TSPAN2: variants seen among roughly 807,000 people sequenced by gnomAD.
The protein encoded by TSPAN2 is tetraspanin-2.
A neutral mutation model predicts 33.3 loss-of-function variants in TSPAN2; 24 were observed. The ratio of observed to expected loss-of-function variants is 0.72; its 90% CI spans 0.52 to 1.01. The LOEUF (loss-of-function observed/expected upper bound fraction) is 1.01, where lower values mean the gene tolerates loss of function less well. TSPAN2 is among the 50% of genes least tolerant of loss of function. The probability of loss-of-function intolerance (pLI) is 0.00; values close to 1 mark genes in which losing one functional copy is unlikely to be tolerated. For synonymous variants in TSPAN2, 114 were observed against 104.5 expected (o/e 1.09, Z -0.56); for missense variants, 278 against 281.3 (o/e 0.99, Z 0.08).
chr1:115,055,981 A>C (rs770465790), intron 6 of TSPAN2, among the ~76,000 whole-genome samples: 2 of 152,232 alleles, frequency 1.3e-5, no homozygotes, highest in African/African-American at 2.4e-5. Context: ...CCTTTTCCTT[A>C]GAATAAACTC....
intron 7 of TSPAN2, among the ~76,000 whole-genome samples, chr1:115,052,922 G>A (rs1185498464): frequency 6.6e-6 from 1 of 152,092 alleles, no homozygotes; most frequent in East Asian, 1.9e-4. Context: ...ATTTTCCTGC[G>A]ATCTCAGAGC....
chr1:115,088,411 A>C (rs1321011218), intron 1 of TSPAN2, among the ~76,000 whole-genome samples: 1 of 152,154 alleles, frequency 6.6e-6, no homozygotes, highest in East Asian at 1.9e-4. Flanking sequence ...CTGAGCAGTT[A>C]CACTGGCTGA....
intron 1 of TSPAN2, among the ~76,000 whole-genome samples, 159 bp downstream of exon 1, chr1:115,089,205 C>T (rs1053887004): frequency 2.0e-5 from 3 of 152,186 alleles, no homozygotes; most frequent in African/African-American, 7.2e-5. Context: ...CCATCCCTCC[C>T]CTCCCTCTTT....
rs2101018331 is a variant in TSPAN2 at position 115,050,248 on chromosome 1, TA to T, written c.*241del. On this transcript the variant is annotated 3_prime_UTR_variant, in exon 8 of 8. Transcript: ENST00000369516. ...TTCCCAGCAAACAGATTTCATTACG[TA>T]TAAAGCATATTCCAGAAACACGCAG... The T allele has an allele frequency of 1.9e-6, 1 of 520,868 alleles. No individual in the cohort carries two copies. The highest frequency in any genetic ancestry group is 3.4e-6 in the Non-Finnish European group (1 of 295,826). The allele number at this position is 520,868 out of a possible 1,614,324, so 32.3% of individuals were successfully genotyped here. A position where few individuals can be genotyped will look rare whatever the true frequency, so the allele number is the denominator to read the frequency against.
At chr1:115,082,246 T>C in intron 1 of TSPAN2, among the ~76,000 whole-genome samples, 1 of 152,232 alleles carries the variant, frequency 6.6e-6, no homozygotes, top group East Asian at 1.9e-4. Flanking sequence ...AGTCGCCGCA[T>C]TGGACAGTGC....
intron 2 of TSPAN2, among the ~76,000 whole-genome samples, chr1:115,064,801 G>T (rs973099941): frequency 1.3e-5 from 2 of 152,198 alleles, no homozygotes; most frequent in African/African-American, 4.8e-5. Context: ...GAGGATGGTT[G>T]CTTCGCACCC....
chr1:115,083,755 A>C (rs1570986434), intron 1 of TSPAN2, among the ~76,000 whole-genome samples: 3 of 152,332 alleles, frequency 2.0e-5, no homozygotes, highest in African/African-American at 7.2e-5. Context: ...AAGGAAATAA[A>C]CAGATCCTGC....
At chr1:115,076,927 C>CTT (rs564428993) in intron 1 of TSPAN2, among the ~76,000 whole-genome samples, 1 of 144,334 alleles carries the variant, frequency 6.9e-6, no homozygotes, top group Non-Finnish European at 1.5e-5. Flanking sequence ...TCCTCCCTCC[C>CTT]TTTTTTTTTT....
chr1:115,053,396 C>G lies in TSPAN2; in HGVS notation c.583G>C (p.Gly195Arg). 6.2e-7 allele frequency: 1 copy of G among 1,613,978 alleles called. No homozygotes were observed. The highest frequency in any genetic ancestry group is 1.3e-5 in the African/African-American group (1 of 75,040). The change falls in exon 7 of 8, where the codon GGA becomes CGA. Residue 195 changes from glycine (G) to arginine (R), a missense_variant. Coordinates refer to ENST00000369516, the MANE Select transcript of TSPAN2 (RefSeq NM_005725.6). Reference sequence around the variant, plus strand: ...TTTCTCACCGTCAGACCTGCAATTCCAATACCGACAATTCCAATGAGCTGG... The same window carrying G: ...TTTCTCACCGTCAGACCTGCAATTCGAATACCGACAATTCCAATGAGCTGG... ...KLQLIGIVGIGIAGLTIFGMI... is the reference protein window; with the variant it reads ...KLQLIGIVGIRIAGLTIFGMI...
Position 115,049,819 on chromosome 1 carries a change from A to G in TSPAN2, c.*671T>C, listed in dbSNP as rs923040551. 1 of 152,668 alleles carries G rather than the reference A, an allele frequency of 6.6e-6. No homozygotes were observed. The highest frequency in any genetic ancestry group is 1.5e-5 in the Non-Finnish European group (1 of 68,046). 9.5% of individuals were successfully genotyped at this position (152,668 alleles called of 1,614,324 possible). Reference sequence around the variant, plus strand: ...GATTGTCTGTGTGACTTCTCTTTCCAGAGGAAGACTTTTTTATTTTTAAAT... The same window carrying G: ...GATTGTCTGTGTGACTTCTCTTTCCGGAGGAAGACTTTTTTATTTTTAAAT... On this transcript the variant is annotated 3_prime_UTR_variant, in exon 8 of 8. Transcript: ENST00000369516.
intron 7 of TSPAN2, 97 bp from the exon 8 acceptor site, chr1:115,050,652 T>C: frequency 2.2e-6 from 2 of 919,966 alleles, no homozygotes; most frequent in Non-Finnish European, 3.5e-6. Context: ...AGTTAACAAA[T>C]AATTATAACC....
chr1:115,051,278 C>T (rs1031083681), intron 7 of TSPAN2, among the ~76,000 whole-genome samples: 10 of 152,144 alleles, frequency 6.6e-5, no homozygotes, highest in African/African-American at 2.4e-4. Context: ...CACTTCACTC[C>T]CTGGTGACAG....
intron 6 of TSPAN2, among the ~76,000 whole-genome samples, chr1:115,054,351 T>G (rs1647309599): frequency 6.6e-6 from 1 of 152,196 alleles, no homozygotes; most frequent in Non-Finnish European, 1.5e-5. Flanking sequence ...TTCTTGAGCA[T>G]CTACCTTGCA....
chr1:115,050,512 C>T lies in TSPAN2; in HGVS notation c.644G>A (p.Arg215Gln), dbSNP rs777153817. Residue 215 changes from arginine (R) to glutamine (Q), a missense_variant, in exon 8 of 8, where the codon CGA becomes CAA. Arg to Gln is a conservative substitution (Grantham distance 43). Coordinates refer to ENST00000369516, the MANE Select transcript of TSPAN2 (RefSeq NM_005725.6). The part of the protein sequence containing the change: ...IFSMVLCCAI[R>Q]NSRDVI ...GCTTCATATCACATCTCGTGAGTTT[C>T]GTATCGCACAGCAGAGGACCATGCT... is the stretch of plus-strand genomic sequence containing the variant. 1.4e-5 allele frequency: 22 copies of T among 1,613,886 alleles called. No individual in the cohort carries two copies. Among genetic ancestry groups the T allele is most frequent in the South Asian group, 2.2e-5 (2 of 91,078 alleles).
chr1:115,055,335 T>C (rs2101023212), intron 6 of TSPAN2, among the ~76,000 whole-genome samples: 1 of 151,858 alleles, frequency 6.6e-6, no homozygotes, highest in African/African-American at 2.4e-5. Context: ...GAGATTTTTT[T>C]TTTTTTAAAA....
At chr1:115,078,485 T>G (rs1648501412) in intron 1 of TSPAN2, among the ~76,000 whole-genome samples, 1 of 152,070 alleles carries the variant, frequency 6.6e-6, no homozygotes, top group African/African-American at 2.4e-5. Flanking sequence ...ATATGTGGGG[T>G]TGGGGCTTTG....
At chr1:115,071,892 G>C (rs558686309) in intron 2 of TSPAN2, among the ~76,000 whole-genome samples, 2 of 151,672 alleles carry the variant, frequency 1.3e-5, no homozygotes, top group South Asian at 4.1e-4. Flanking sequence ...AGTGGGGCCT[G>C]CGCTCTCTCT....
At chr1:115,065,578 A>G (rs1347518514) in intron 2 of TSPAN2, among the ~76,000 whole-genome samples, 1 of 152,168 alleles carries the variant, frequency 6.6e-6, no homozygotes, top group East Asian at 1.9e-4. Flanking sequence ...GGACACCTTC[A>G]TTTTTAAAAA....
chr1:115,077,923 G>T (rs1424449961), intron 1 of TSPAN2, among the ~76,000 whole-genome samples: 2 of 152,230 alleles, frequency 1.3e-5, no homozygotes, highest in Non-Finnish European at 2.9e-5. Flanking sequence ...TAGCCAACCA[G>T]ATCACCAAGA....
Sources: allele counts gnomAD v4.1 joint callset (sites outside exome capture counted in the v4.1 genomes callset), GRCh38; gene constraint gnomAD v4.1.1; transcripts MANE v1.5; gene names NCBI Gene and HGNC (gene_info 2026-07-23, HGNC 2026-07-21).